FILIP1L: variants seen among roughly 807,000 people sequenced by gnomAD.
FILIP1L encodes the protein filamin A interacting protein 1 like.
Under a neutral mutation model 96.6 loss-of-function variants are expected in FILIP1L, and 55 were observed. That is an observed-to-expected ratio of 0.57 (90% confidence interval 0.46 to 0.71). The LOEUF (loss-of-function observed/expected upper bound fraction) is 0.71. FILIP1L is among the 30% of genes least tolerant of loss of function. FILIP1L has a pLI of 0.00. For missense variants in FILIP1L, 1,304 were observed against 1,321.2 expected (o/e 0.99, Z 0.20); for synonymous variants, 467 against 473.9 (o/e 0.99, Z 0.19).
At chr3:99,963,337 T>C (rs1182344108) in intron 1 of FILIP1L, among the ~76,000 whole-genome samples, 2 of 152,100 alleles carry the variant, frequency 1.3e-5, no homozygotes, top group Non-Finnish European at 2.9e-5. Context: ...GGGATGAAGA[T>C]AAATAAGAGA....
intron 1 of FILIP1L, among the ~76,000 whole-genome samples, chr3:100,073,955 G>A (rs1452386418): frequency 2.0e-5 from 3 of 152,014 alleles, no homozygotes; most frequent in African/African-American, 7.2e-5. Context: ...GTTTCCTTTC[G>A]GTGTGGCCAT....
chr3:99,893,574 G>T (rs184646532), intron 4 of FILIP1L, among the ~76,000 whole-genome samples: 2 of 152,172 alleles, frequency 1.3e-5, no homozygotes, highest in East Asian at 3.9e-4. Flanking sequence ...GTTTTTTAAG[G>T]TATGAGGTTT....
intron 1 of FILIP1L, among the ~76,000 whole-genome samples, chr3:100,014,887 C>CTTTTT (rs1559725867): frequency 3.1e-5 from 1 of 32,462 alleles, no homozygotes; most frequent in Non-Finnish European, 5.8e-5. Context: ...TTTTTTTTTT[C>CTTTTT]TTTCTTTCTT....
At chr3:100,052,122 A>G (rs2065384576) in intron 1 of FILIP1L, among the ~76,000 whole-genome samples, 1 of 152,152 alleles carries the variant, frequency 6.6e-6, no homozygotes, top group South Asian at 2.1e-4. Context: ...TTGTGATCTG[A>G]GAGTTCAGTT....
At chr3:100,089,792 T>C (rs997677568) in intron 1 of FILIP1L, among the ~76,000 whole-genome samples, 3 of 152,220 alleles carry the variant, frequency 2.0e-5, no homozygotes, top group Non-Finnish European at 4.4e-5. Flanking sequence ...TTAGTCAGGC[T>C]TTTTAAGTAG....
chr3:99,936,310 A>G (rs1037334777), intron 1 of FILIP1L, among the ~76,000 whole-genome samples: 4 of 150,908 alleles, frequency 2.7e-5, no homozygotes, highest in Non-Finnish European at 5.9e-5. Flanking sequence ...AGCCCATTCT[A>G]AATGCCTTCC....
At chr3:100,062,111 T>A (rs1175490424) in intron 1 of FILIP1L, among the ~76,000 whole-genome samples, 1 of 75,294 alleles carries the variant, frequency 1.3e-5, no homozygotes, top group Non-Finnish European at 2.9e-5. Flanking sequence ...TTTTTTTTTT[T>A]TTTTTTTTTT....
chr3:99,999,754 CT>C (rs1394133122), intron 1 of FILIP1L, among the ~76,000 whole-genome samples: 1 of 152,184 alleles, frequency 6.6e-6, no homozygotes. Flanking sequence ...CTCATGGTCT[CT>C]TGCTCAATGG....
At chr3:99,933,955 A>T (rs141541728) in intron 1 of FILIP1L, among the ~76,000 whole-genome samples, 135 of 152,330 alleles carry the variant, frequency 8.9e-4, no homozygotes, top group African/African-American at 3.1e-3. Context: ...GTTACTCCAC[A>T]GCTTCAGCTT....
intron 4 of FILIP1L, among the ~76,000 whole-genome samples, chr3:99,864,726 C>T (rs993575446): frequency 1.5e-4 from 23 of 152,072 alleles, no homozygotes; most frequent in African/African-American, 4.8e-4. Context: ...CACTCACCAG[C>T]TTCTTTGCTA....
rs558714259 is a variant in FILIP1L, at chr3:99,854,308, G to A, written c.606-3238C>T. ...TGTACAGGATTTAGCATTGATACTTGCATTATATGCTAATGCAGGTTATCA... is the reference window on the plus strand; with the variant it reads ...TGTACAGGATTTAGCATTGATACTTACATTATATGCTAATGCAGGTTATCA... On this transcript the variant is annotated intron_variant, in intron 4 of 5. Coordinates refer to ENST00000477258, the MANE Select transcript of FILIP1L (RefSeq NM_001387850.1). Among the ~76,000 whole-genome samples the A allele has an allele frequency of 2.0e-3, 304 of 152,162 alleles. 1 individual carries two copies. The highest frequency in any genetic ancestry group is 3.8e-3 in the Non-Finnish European group (257 of 68,004).
At chr3:99,912,762 C>T (rs2107640921) in intron 4 of FILIP1L, among the ~76,000 whole-genome samples, 1 of 152,270 alleles carries the variant, frequency 6.6e-6, no homozygotes, top group African/African-American at 2.4e-5. Context: ...AGTTGATGGA[C>T]ATTTGGGTTG....
At chr3:99,878,549 G>A (rs1398533197) in intron 4 of FILIP1L, among the ~76,000 whole-genome samples, 1 of 152,186 alleles carries the variant, frequency 6.6e-6, no homozygotes, top group East Asian at 1.9e-4. Context: ...GGTATGTTTG[G>A]TAAAGGAGTG....
intron 1 of FILIP1L, among the ~76,000 whole-genome samples, chr3:100,073,194 T>C (rs114789663): frequency 0.012 from 1,832 of 152,288 alleles, 24 homozygotes; most frequent in African/African-American, 0.027. Context: ...CAAATCTGGT[T>C]TGCCACCTGT....
chr3:99,875,065 AT>A (rs1705441916), intron 4 of FILIP1L, among the ~76,000 whole-genome samples: 1 of 152,222 alleles, frequency 6.6e-6, no homozygotes, highest in Admixed American at 6.5e-5. Flanking sequence ...TTAAAGTTTT[AT>A]TTTACAATAT....
intron 4 of FILIP1L, among the ~76,000 whole-genome samples, chr3:99,902,004 A>G (rs1706453983): frequency 1.3e-5 from 2 of 152,144 alleles, no homozygotes; most frequent in African/African-American, 2.4e-5. Context: ...TTAATTTCCT[A>G]TAATCTGCCA....
intron 4 of FILIP1L, among the ~76,000 whole-genome samples, chr3:99,923,134 C>T (rs1237797017): frequency 2.6e-5 from 4 of 151,788 alleles, no homozygotes; most frequent in Non-Finnish European, 5.9e-5. Context: ...CTTTTTCTTC[C>T]AGAAAACTGC....
chr3:99,934,381 G>A (rs1707590064), intron 1 of FILIP1L, among the ~76,000 whole-genome samples: 1 of 152,100 alleles, frequency 6.6e-6, no homozygotes, highest in African/African-American at 2.4e-5. Flanking sequence ...AAATATATTT[G>A]GTTCTTTACT....
chr3:100,042,640 T>G (rs896602739), intron 1 of FILIP1L, among the ~76,000 whole-genome samples: 4 of 152,222 alleles, frequency 2.6e-5, no homozygotes, highest in Admixed American at 1.3e-4. Flanking sequence ...CAGATGATAC[T>G]GTATTTACTG....
Sources: gnomAD v4.1 joint callset for allele counts (sites outside exome capture counted in the v4.1 genomes callset) on GRCh38, gnomAD v4.1.1 for gene constraint, MANE v1.5 for transcripts, NCBI Gene and HGNC (gene_info 2026-07-23, HGNC 2026-07-21) for gene names.